Variants in ROBO2 observed in about 807,000 individuals in gnomAD.
ROBO2 encodes roundabout guidance receptor 2, also known as roundabout homolog 2.
Under a neutral mutation model 160.8 loss-of-function variants are expected in ROBO2, and 53 were observed. The observed-to-expected ratio is 0.33, with a 90% CI of 0.26 to 0.41. The LOEUF is 0.41. ROBO2 is among the 10% of genes least tolerant of loss of function. The pLI, the probability that ROBO2 is intolerant of heterozygous loss-of-function variation, is 1.00. For synonymous variants in ROBO2, 664 were observed against 611.7 expected, an observed-to-expected ratio of 1.09 and a Z score of -1.26; for missense variants, 1,577 against 1,722.4, an observed-to-expected ratio of 0.92 and a Z score of 1.49.
chr3:77,476,076 C>T (rs1350189114), intron 2 of ROBO2, among the ~76,000 whole-genome samples: 1 of 152,090 alleles, frequency 6.6e-6, no homozygotes, highest in African/African-American at 2.4e-5. Context: ...GATGGAAAAC[C>T]ATGTTAAAGG....
At chr3:76,793,691 T>C (rs1231579243) in intron 2 of ROBO2, among the ~76,000 whole-genome samples, 3 of 151,934 alleles carry the variant, frequency 2.0e-5, no homozygotes, top group Non-Finnish European at 2.9e-5. Context: ...GGTGGTGTAC[T>C]GCACCCATTA....
At chr3:75,932,264 CT>C (rs1484677627) in intron 1 of ROBO2, among the ~76,000 whole-genome samples, 1 of 152,098 alleles carries the variant, frequency 6.6e-6, no homozygotes. Context: ...GTTTTCAGGT[CT>C]CTTAGTTATA....
intron 2 of ROBO2, among the ~76,000 whole-genome samples, chr3:76,478,855 G>T (rs1205207061): frequency 6.6e-6 from 1 of 151,888 alleles, no homozygotes; most frequent in Non-Finnish European, 1.5e-5. Flanking sequence ...TTTCTGTAGA[G>T]TTGGGGTCTC....
chr3:77,369,708 T>C (rs4683973), intron 2 of ROBO2, among the ~76,000 whole-genome samples: 125,334 of 152,134 alleles, frequency 0.82, 51,861 homozygotes, highest in East Asian at 1. Context: ...GGAACTTGCA[T>C]TGGAGAGGCT....
intron 2 of ROBO2, among the ~76,000 whole-genome samples, chr3:77,017,486 G>T (rs1331927454): frequency 6.6e-6 from 1 of 152,136 alleles, no homozygotes; most frequent in Non-Finnish European, 1.5e-5. Flanking sequence ...TTATTCTTGA[G>T]CATTAGTTCA....
intron 2 of ROBO2, among the ~76,000 whole-genome samples, chr3:76,726,081 G>A (rs1181990526): frequency 6.6e-6 from 1 of 152,130 alleles, no homozygotes; most frequent in Non-Finnish European, 1.5e-5. Context: ...GCATACATCA[G>A]TCTGTTTTTT....
At chr3:77,399,535 A>G (rs2075602753) in intron 2 of ROBO2, among the ~76,000 whole-genome samples, 1 of 152,216 alleles carries the variant, frequency 6.6e-6, no homozygotes, top group South Asian at 2.1e-4. Flanking sequence ...TAAAGCCTCA[A>G]TCTAAGCAAA....
intron 15 of ROBO2, among the ~76,000 whole-genome samples, chr3:77,579,711 A>G (rs573982555): frequency 6.6e-6 from 1 of 152,324 alleles, no homozygotes; most frequent in African/African-American, 2.4e-5. Context: ...TGAACATGGC[A>G]TAGTTTCAGC....
chr3:76,418,192 A>G (rs924043978), intron 2 of ROBO2, among the ~76,000 whole-genome samples: 4 of 151,880 alleles, frequency 2.6e-5, no homozygotes, highest in African/African-American at 7.3e-5. Flanking sequence ...CCAATGGGAT[A>G]TACCAAATAA....
intron 2 of ROBO2, among the ~76,000 whole-genome samples, chr3:76,127,396 T>C (rs2108318119): frequency 6.6e-6 from 1 of 152,224 alleles, no homozygotes; most frequent in East Asian, 1.9e-4. Flanking sequence ...TTATAATTTG[T>C]CACCAAATGG....
intron 1 of ROBO2, among the ~76,000 whole-genome samples, chr3:77,049,908 A>C (rs1050058402): frequency 2.0e-5 from 3 of 152,236 alleles, no homozygotes; most frequent in Non-Finnish European, 4.4e-5. Flanking sequence ...AATGTTCATA[A>C]GTGTGATTCA....
At chr3:77,259,659 G>C (rs1288243946) in intron 2 of ROBO2, among the ~76,000 whole-genome samples, 1 of 152,168 alleles carries the variant, frequency 6.6e-6, no homozygotes, top group Non-Finnish European at 1.5e-5. Flanking sequence ...CTTATTCTCT[G>C]AAAGTTTACC....
intron 2 of ROBO2, among the ~76,000 whole-genome samples, chr3:77,011,913 A>G (rs1358796256): frequency 6.6e-6 from 1 of 152,142 alleles, no homozygotes; most frequent in Non-Finnish European, 1.5e-5. Context: ...ATAATAAGAA[A>G]AGAGATATGA....
At chr3:76,633,524 G>T (rs902968919) in intron 2 of ROBO2, among the ~76,000 whole-genome samples, 1 of 152,172 alleles carries the variant, frequency 6.6e-6, no homozygotes, top group Non-Finnish European at 1.5e-5. Context: ...GAAAGAAGAT[G>T]AGAAAGGTAA....
Position 76,728,374 on chromosome 3 carries a change from A to G in ROBO2, c.110-369640A>G, listed in dbSNP as rs561400871. Among the ~76,000 whole-genome samples, 4 of 152,310 alleles carry G rather than the reference A, an allele frequency of 2.6e-5. No homozygotes were observed. The East Asian group carries it at 5.8e-4, about 22-fold the overall frequency. On this transcript the variant is annotated intron_variant, in intron 2 of 26. Transcript: ENST00000487694. ...TAAAACACTATGAAATACGTTTATTATATTTTTTGAAAATTGACCTATTTC... is the reference window on the plus strand; with the variant it reads ...TAAAACACTATGAAATACGTTTATTGTATTTTTTGAAAATTGACCTATTTC...
chr3:76,973,504 AAATG>A (rs2059671331), intron 2 of ROBO2, among the ~76,000 whole-genome samples: 1 of 152,110 alleles, frequency 6.6e-6, no homozygotes, highest in Admixed American at 6.5e-5. Context: ...TTATTAAACT[AAATG>A]AATAATATAA....
At chr3:76,366,069 C>G (rs1171832317) in intron 2 of ROBO2, among the ~76,000 whole-genome samples, 1 of 152,028 alleles carries the variant, frequency 6.6e-6, no homozygotes, top group African/African-American at 2.4e-5. Flanking sequence ...TTTCTCAGCC[C>G]TTTGCATATC....
intron 2 of ROBO2, among the ~76,000 whole-genome samples, chr3:76,551,572 G>C (rs1287817423): frequency 1.3e-5 from 2 of 152,160 alleles, no homozygotes; most frequent in Non-Finnish European, 2.9e-5. Flanking sequence ...GAGAAGGATA[G>C]AATGAGGAGC....
chr3:76,802,535 T>C (rs2064292132), intron 2 of ROBO2, among the ~76,000 whole-genome samples: 1 of 152,018 alleles, frequency 6.6e-6, no homozygotes, highest in African/African-American at 2.4e-5. Context: ...GAGACCATCC[T>C]GGCTAACACG....
Sources: allele counts gnomAD v4.1 joint callset (sites outside exome capture counted in the v4.1 genomes callset), GRCh38; gene constraint gnomAD v4.1.1; transcripts MANE v1.5; gene names NCBI Gene and HGNC (gene_info 2026-07-23, HGNC 2026-07-21).